The following MBOAT2 variants were observed in gnomAD, a reference collection of about 807,000 sequenced individuals.
MBOAT2 encodes membrane bound glycerophospholipid O-acyltransferase 2, also known as membrane-bound glycerophospholipid O-acyltransferase 2.
Under a neutral mutation model 63.4 loss-of-function variants are expected in MBOAT2, and 28 were observed. The observed-to-expected ratio is 0.44, with a 90% CI of 0.33 to 0.61. MBOAT2 has a LOEUF of 0.61. MBOAT2 is among the 20% of genes least tolerant of loss of function. The pLI is 0.03. For synonymous variants in MBOAT2, 211 were observed against 215.6 expected, an observed-to-expected ratio of 0.98 and a Z score of 0.19; for missense variants, 470 against 605.8, an observed-to-expected ratio of 0.78 and a Z score of 2.35.
chr2:8,869,211 T>A (rs1384437533), intron 8 of MBOAT2, among the ~76,000 whole-genome samples: 35 of 149,402 alleles, frequency 2.3e-4, no homozygotes, highest in African/African-American at 7.6e-4. Context: ...CATGCCTATT[T>A]TTTTTTTTTT....
intron 2 of MBOAT2, among the ~76,000 whole-genome samples, chr2:8,953,203 GT>G (rs1416761546): frequency 6.6e-6 from 1 of 152,156 alleles, no homozygotes; most frequent in Non-Finnish European, 1.5e-5. Flanking sequence ...AAAGAGTCTA[GT>G]TCTCCTTCAC....
intron 8 of MBOAT2, among the ~76,000 whole-genome samples, chr2:8,870,208 C>A (rs1282482088): frequency 1.3e-5 from 2 of 152,128 alleles, no homozygotes; most frequent in African/African-American, 4.8e-5. Context: ...AAAAAAAGTG[C>A]TCAGATCCCA....
chr2:8,989,324 C>T (rs1038742872), intron 1 of MBOAT2, among the ~76,000 whole-genome samples: 7 of 152,168 alleles, frequency 4.6e-5, no homozygotes, highest in African/African-American at 1.2e-4. Context: ...GTATTGTGGG[C>T]ATGCCTCATG....
Position 8,862,721 on chromosome 2 carries a change from C to T in MBOAT2, c.1054G>A (p.Val352Met). 1 of 1,605,774 alleles carries T rather than the reference C, an allele frequency of 6.2e-7. No homozygotes were observed. The highest frequency in any genetic ancestry group is 8.5e-7 in the Non-Finnish European group (1 of 1,177,602). Reference sequence around the variant, plus strand: ...CTGAAGGAGGTTCGTTCATAACACACCCTAGAAACCATGAAAAACATGGAG... The same window carrying T: ...CTGAAGGAGGTTCGTTCATAACACATCCTAGAAACCATGAAAAACATGGAG... ...NIQTALWLKR[V>M]CYERTSFSPT... The change falls in exon 11 of 13, where the codon GTG becomes ATG. Residue 352 changes from valine to methionine, a missense_variant and splice_region_variant. By Grantham distance (21) the Val-to-Met change is conservative. Transcript: ENST00000305997. The surrounding 1 kb of genome is among the most constrained non-coding windows in gnomAD (Gnocchi z 4.3).
intron 4 of MBOAT2, among the ~76,000 whole-genome samples, chr2:8,904,375 G>C (rs551008851): frequency 4.0e-5 from 6 of 151,118 alleles, no homozygotes; most frequent in African/African-American, 1.5e-4. Context: ...ACAGTTGTGC[G>C]AACATGGCTC....
At chr2:8,982,867 C>A (rs1369565920) in intron 1 of MBOAT2, among the ~76,000 whole-genome samples, 1 of 152,178 alleles carries the variant, frequency 6.6e-6, no homozygotes, top group Non-Finnish European at 1.5e-5. Context: ...TTCCCAATTT[C>A]CTAATTACTT....
At chr2:8,860,879 T>TA (rs916927018) in intron 11 of MBOAT2, 115 bp from the exon 12 acceptor site, 1 of 841,822 alleles carries the variant, frequency 1.2e-6, no homozygotes, top group African/African-American at 1.7e-5. Context: ...GAAACTCTCC[T>TA]AAGTTGCTAG....
intron 6 of MBOAT2, among the ~76,000 whole-genome samples, chr2:8,881,947 G>C (rs1216455238): frequency 6.6e-6 from 1 of 152,196 alleles, no homozygotes; most frequent in Non-Finnish European, 1.5e-5. Flanking sequence ...TATTAGTTGA[G>C]ATAGACACTG....
intron 1 of MBOAT2, among the ~76,000 whole-genome samples, chr2:8,994,929 T>C (rs1672167528): frequency 6.6e-6 from 1 of 152,198 alleles, no homozygotes; most frequent in African/African-American, 2.4e-5. Flanking sequence ...TTTTAAGTAA[T>C]TGAGTATGCA....
chr2:8,980,783 CA>C (rs1671146096), intron 1 of MBOAT2, among the ~76,000 whole-genome samples: 1 of 152,064 alleles, frequency 6.6e-6, no homozygotes, highest in African/African-American at 2.4e-5. Flanking sequence ...ATAGTACAAC[CA>C]CTTTGGAAAA....
At chr2:8,994,850 A>G (rs1672162971) in intron 1 of MBOAT2, among the ~76,000 whole-genome samples, 1 of 152,258 alleles carries the variant, frequency 6.6e-6, no homozygotes, top group South Asian at 2.1e-4. Context: ...AAAGTGTAGC[A>G]GGGATTTCAA....
chr2:8,972,298 A>G lies in MBOAT2; in HGVS notation c.76-13656T>C, dbSNP rs1477367546. 2.3e-3 allele frequency among the ~76,000 whole-genome samples: 354 copies of G among 152,060 alleles called. 4 individuals are homozygous for G. Among genetic ancestry groups the G allele is most frequent in the African/African-American group, 8.1e-3 (333 of 41,360 alleles). Reference sequence around the variant, plus strand: ...TTCCCTATTTAATAAATGGTGCTGGAAAAACTGGCTAGCCATATGTAGAAA... The same window carrying G: ...TTCCCTATTTAATAAATGGTGCTGGGAAAACTGGCTAGCCATATGTAGAAA... On this transcript the variant is annotated intron_variant, in intron 1 of 12. Coordinates refer to ENST00000305997, the MANE Select transcript of MBOAT2 (RefSeq NM_138799.4).
chr2:8,884,258 GATTATTTT>G (rs1239463930), intron 5 of MBOAT2, among the ~76,000 whole-genome samples: 1 of 133,584 alleles, frequency 7.5e-6, no homozygotes, highest in Non-Finnish European at 1.6e-5. Flanking sequence ...GGACATGGAA[GATTATTTT>G]TTCTTCGTAT....
chr2:8,938,641 C>G (rs957493986), intron 3 of MBOAT2, among the ~76,000 whole-genome samples: 5 of 150,720 alleles, frequency 3.3e-5, no homozygotes, highest in Non-Finnish European at 7.4e-5. Flanking sequence ...CCGTCTCATG[C>G]CACTGTGTCT....
rs140402684 is a variant in MBOAT2 at position 8,863,384 on chromosome 2, G to A, written c.1053-662C>T. On this transcript the variant is annotated intron_variant, in intron 10 of 12. Transcript: ENST00000305997. The stretch of plus-strand genomic sequence containing the variant: ...TTATCACCGTATCGTTATAGGGGCC[G>A]TTTTTTATGAAGTAAATTCAAGATA... Among the ~76,000 whole-genome samples, 1,051 of 152,220 alleles carry A rather than the reference G, an allele frequency of 6.9e-3. 8 individuals carry two copies. Among genetic ancestry groups the A allele is most frequent in the Non-Finnish European group, 0.01 (713 of 68,010 alleles).
intron 2 of MBOAT2, among the ~76,000 whole-genome samples, chr2:8,954,111 T>G (rs528579854): frequency 6.6e-6 from 1 of 152,326 alleles, no homozygotes; most frequent in African/African-American, 2.4e-5. Flanking sequence ...TCTTCTTTCC[T>G]TTTTCCTTTT....
Position 8,862,388 on chromosome 2 carries a change from TC to T in MBOAT2, c.1185+201del. The T allele has an allele frequency of 2.8e-6, 4 of 1,412,058 alleles. No individual in the cohort carries two copies. Among genetic ancestry groups the T allele is most frequent in the African/African-American group, 1.4e-5 (1 of 70,196 alleles). 87.5% of individuals were successfully genotyped at this position (1,412,058 alleles called of 1,614,324 possible). A position where few individuals can be genotyped will look rare whatever the true frequency, so the allele number is the denominator to read the frequency against. On this transcript the variant is annotated intron_variant, in intron 11 of 12. Transcript: ENST00000305997. The surrounding 1 kb of genome is among the most constrained non-coding windows in gnomAD (Gnocchi z 4.3). The stretch of plus-strand genomic sequence containing the variant: ...GCCGGGCACATAGAAACGTGTTTTC[TC>T]CTCACAGGAACTGGGCATGGAGCCT...
intron 1 of MBOAT2, among the ~76,000 whole-genome samples, chr2:8,992,972 G>T (rs1672021302): frequency 6.6e-6 from 1 of 152,198 alleles, no homozygotes; most frequent in African/African-American, 2.4e-5. Context: ...GATGGCTGGA[G>T]GACATGGAGG....
intron 7 of MBOAT2, 89 bp downstream of exon 7, chr2:8,876,941 A>G: frequency 7.8e-7 from 1 of 1,277,998 alleles, no homozygotes; most frequent in South Asian, 1.6e-5. Flanking sequence ...AAACAGATGG[A>G]TAAGTTCACA....
Sources: gnomAD v4.1 joint callset for allele counts (sites outside exome capture counted in the v4.1 genomes callset) on GRCh38, gnomAD v4.1.1 for gene constraint, Gnocchi (gnomAD v3.1) non-coding constraint, MANE v1.5 for transcripts, NCBI Gene and HGNC (gene_info 2026-07-23, HGNC 2026-07-21) for gene names.